The following USP7 variants were observed in gnomAD, a reference collection of about 807,000 sequenced individuals.
USP7 encodes the protein ubiquitin specific peptidase 7.
USP7 carries 9 observed loss-of-function variants against 162.9 expected under a neutral mutation model. The ratio of observed to expected loss-of-function variants is 0.06; its 90% CI spans 0.03 to 0.10. The LOEUF (loss-of-function observed/expected upper bound fraction) is 0.10, where lower values mean the gene tolerates loss of function less well. USP7 is among the 10% of genes least tolerant of loss of function. USP7 has a pLI of 1.00. For synonymous variants in USP7, 562 were observed against 475.9 expected, an observed-to-expected ratio of 1.18 and a Z score of -2.35; for missense variants, 715 against 1,373.7, an observed-to-expected ratio of 0.52 and a Z score of 7.58.
chr16:8,963,070 C>G (rs1352689236), intron 1 of USP7, 137 bp downstream of exon 1: 24 of 747,896 alleles, frequency 3.2e-5, no homozygotes, highest in Non-Finnish European at 4.1e-5. Flanking sequence ...AGGCCGGGGC[C>G]GGGAGGCCAG....
intron 26 of USP7, among the ~76,000 whole-genome samples, chr16:8,896,731 G>A (rs577449881): frequency 6.7e-4 from 102 of 152,296 alleles, no homozygotes; most frequent in African/African-American, 2.2e-3. Context: ...AGGGGAAGGA[G>A]GAAAAACGTG....
chr16:8,943,808 G>A (rs543108879), intron 1 of USP7, among the ~76,000 whole-genome samples: 43 of 152,330 alleles, frequency 2.8e-4, no homozygotes, highest in South Asian at 6.2e-4. Context: ...AAGAAAATGA[G>A]CATTCACGCT....
chr16:8,911,212 A>C (rs1166942079), intron 10 of USP7, among the ~76,000 whole-genome samples: 1 of 152,222 alleles, frequency 6.6e-6, no homozygotes, highest in Non-Finnish European at 1.5e-5. Flanking sequence ...TGGCAGAATG[A>C]CAAGGAAAAC....
intron 25 of USP7, among the ~76,000 whole-genome samples, chr16:8,897,902 A>G (rs1438588025): frequency 6.6e-6 from 1 of 150,782 alleles, no homozygotes; most frequent in African/African-American, 2.4e-5. Context: ...CTGTCTCGAA[A>G]AAGAACCACC....
intron 1 of USP7, among the ~76,000 whole-genome samples, chr16:8,958,185 C>T (rs939477387): frequency 6.6e-6 from 1 of 152,224 alleles, no homozygotes; most frequent in African/African-American, 2.4e-5. Context: ...CCCACCGGCA[C>T]AGTAGCAGGT....
chr16:8,926,552 G>A (rs761254339), intron 2 of USP7, among the ~76,000 whole-genome samples: 2 of 152,158 alleles, frequency 1.3e-5, no homozygotes, highest in Admixed American at 6.5e-5. Flanking sequence ...TCACAGATAC[G>A]GCCAGCCAGA....
At chr16:8,919,445 C>T (rs1367693993) in intron 5 of USP7, among the ~76,000 whole-genome samples, 2 of 151,966 alleles carry the variant, frequency 1.3e-5, no homozygotes, top group African/African-American at 4.8e-5. Flanking sequence ...CCCAACATGC[C>T]TCATGGTAGA....
intron 1 of USP7, among the ~76,000 whole-genome samples, chr16:8,932,265 T>C (rs920084330): frequency 2.0e-5 from 3 of 152,226 alleles, no homozygotes; most frequent in African/African-American, 7.2e-5. Context: ...TAATTAATGA[T>C]GCATTAAAAG....
At chr16:8,896,433 T>C (rs1322351874) in intron 26 of USP7, among the ~76,000 whole-genome samples, 1 of 152,124 alleles carries the variant, frequency 6.6e-6, no homozygotes, top group Non-Finnish European at 1.5e-5. Context: ...TAAAGAAAGT[T>C]TGGGAACCAA....
At chr16:8,946,540 A>G (rs1209246978) in intron 1 of USP7, among the ~76,000 whole-genome samples, 2 of 152,266 alleles carry the variant, frequency 1.3e-5, no homozygotes, top group Non-Finnish European at 2.9e-5. Context: ...CGTATCTTAC[A>G]AAGACTCAAA....
chr16:8,963,166 G>T, intron 1 of USP7, 41 bp downstream of exon 1: 1 of 1,383,872 alleles, frequency 7.2e-7, no homozygotes, highest in South Asian at 1.3e-5. Flanking sequence ...CACAATGAAA[G>T]GCGCCCCCCG....
In USP7 at chr16:8,915,429, A is replaced by G. The variant is rs45513897; in HGVS notation, c.987+16T>C. The G allele has an allele frequency of 0.057, 91,533 of 1,613,688 alleles. 2,900 individuals carry two copies. Among genetic ancestry groups the G allele is most frequent in the Middle Eastern group, 0.095 (560 of 5,922 alleles). ...AAACCTTTAAAAATCATCTTTTAGA[A>G]CTGGTAGCCACATACCACCATTTTG... On this transcript the variant is annotated intron_variant, in intron 9 of 30. Transcript: ENST00000344836.
At chr16:8,902,246 A>T (rs1008613626) in intron 17 of USP7, 59 bp from the exon 18 acceptor site, 1 of 1,592,480 alleles carries the variant, frequency 6.3e-7, no homozygotes, top group East Asian at 2.2e-5. Flanking sequence ...GACAGAGCGA[A>T]AAACTACAGT....
chr16:8,898,232 A>G (rs1375753215), intron 25 of USP7, 128 bp downstream of exon 25: 3 of 814,554 alleles, frequency 3.7e-6, no homozygotes, highest in South Asian at 1.7e-5. Flanking sequence ...GGGCTCCCCC[A>G]GCCCCCATCA....
chr16:8,898,569 A>G lies in USP7; in HGVS notation c.2602T>C (p.Phe868Leu), dbSNP rs2061724057. The change falls in exon 24 of 31, where the codon TTC becomes CTC. Residue 868 changes from phenylalanine (F) to leucine (L), a missense_variant. Phe to Leu is a conservative substitution (Grantham distance 22). Transcript: ENST00000344836. Reference sequence around the variant, plus strand: ...AGTTTCTTAGGTTGTCTAGGCTTGAAGAACTGTAGAAGATCTCTTAAAGTA... The same window carrying G: ...AGTTTCTTAGGTTGTCTAGGCTTGAGGAACTGTAGAAGATCTCTTAAAGTA... ...EGTLRDLLQF[F>L]KPRQPKKLYY... 1 of 1,612,482 alleles carries G rather than the reference A, an allele frequency of 6.2e-7. No homozygotes were observed. The highest frequency in any genetic ancestry group is 1.7e-5 in the Admixed American group (1 of 59,654).
intron 1 of USP7, chr16:8,935,812 G>C (rs1206657086): frequency 6.6e-6 from 1 of 152,000 alleles, no homozygotes; most frequent in African/African-American, 2.4e-5. Context: ...TGCTCTACTG[G>C]GCACTTAATG....
chr16:8,960,305 C>G (rs954484084), intron 1 of USP7, among the ~76,000 whole-genome samples: 2 of 152,176 alleles, frequency 1.3e-5, no homozygotes, highest in Admixed American at 6.5e-5. Context: ...CCACCTCTTC[C>G]CTCTCCGCAC....
At chr16:8,942,386 C>G (rs752219394) in intron 1 of USP7, among the ~76,000 whole-genome samples, 4 of 152,164 alleles carry the variant, frequency 2.6e-5, no homozygotes, top group Non-Finnish European at 5.9e-5. Context: ...TTATCACATG[C>G]TAGGGGTCTC....
chr16:8,902,946 A>G (rs1446489053), intron 16 of USP7, among the ~76,000 whole-genome samples: 1 of 152,224 alleles, frequency 6.6e-6, no homozygotes, highest in African/African-American at 2.4e-5. Context: ...GATTTGGACA[A>G]CTGTGACTTA....
Sources: allele counts gnomAD v4.1 joint callset (sites outside exome capture counted in the v4.1 genomes callset), GRCh38; gene constraint gnomAD v4.1.1; transcripts MANE v1.5; gene names NCBI Gene and HGNC (gene_info 2026-07-23, HGNC 2026-07-21).